Variants in PPP1R36 observed in about 807,000 individuals in gnomAD.
PPP1R36 encodes the protein chromosome 14 open reading frame 50.
PPP1R36 carries 47 observed loss-of-function variants against 53.4 expected under a neutral mutation model. The observed-to-expected ratio is 0.88, with a 90% confidence interval of 0.70 to 1.12. The LOEUF (loss-of-function observed/expected upper bound fraction) is 1.12. Among genes scored for constraint, PPP1R36 ranks in the 50% most tolerant of loss-of-function variants. The pLI, the probability that PPP1R36 is intolerant of heterozygous loss-of-function variation, is 0.00. For missense variants in PPP1R36, 456 were observed against 513.9 expected, an observed-to-expected ratio of 0.89 and a Z score of 1.09; for synonymous variants, 153 against 170.5, an observed-to-expected ratio of 0.90 and a Z score of 0.80.
chr14:64,550,201 G>A, intron 1 of PPP1R36, 135 bp downstream of exon 1: 1 of 1,427,094 alleles, frequency 7.0e-7, no homozygotes, highest in Non-Finnish European at 9.2e-7. Flanking sequence ...GGTTCTCAAA[G>A]ACACCTGGCC....
At position 64,572,070 on chromosome 14, in the gene PPP1R36, T is replaced by C. The variant is rs139969268; in HGVS notation, c.534-2385T>C. Reference sequence around the variant, plus strand: ...ATATCACCTTCTATTTTATATATTTTGGCAGTTTCTAATTTTTCTGATATA... The same window carrying C: ...ATATCACCTTCTATTTTATATATTTCGGCAGTTTCTAATTTTTCTGATATA... On this transcript the variant is annotated intron_variant, in intron 7 of 11. Transcript: ENST00000298705. Among the ~76,000 whole-genome samples, 226 of 152,338 alleles carry C rather than the reference T, an allele frequency of 1.5e-3. 1 individual carries two copies. The highest frequency in any genetic ancestry group is 5.1e-3 in the African/African-American group (212 of 41,574).
At chr14:64,562,106 A>G (rs1160615294) in intron 3 of PPP1R36, 1 of 222,524 alleles carries the variant, frequency 4.5e-6, no homozygotes, top group East Asian at 1.2e-4. Context: ...GTAGGAGGGT[A>G]TAGGCTAGCT....
chr14:64,578,406 G>T (rs1189904481), intron 8 of PPP1R36, among the ~76,000 whole-genome samples: 4 of 152,164 alleles, frequency 2.6e-5, no homozygotes, highest in Non-Finnish European at 5.9e-5. Flanking sequence ...AGTAAGTCTT[G>T]AAGAGAGTAG....
intron 7 of PPP1R36, among the ~76,000 whole-genome samples, chr14:64,569,720 T>C (rs914339525): frequency 6.6e-6 from 1 of 152,068 alleles, no homozygotes; most frequent in Non-Finnish European, 1.5e-5. Context: ...GCAAAAAGAT[T>C]TGTTTAATTT....
intron 3 of PPP1R36, among the ~76,000 whole-genome samples, chr14:64,561,375 A>T (rs1424160623): frequency 6.6e-6 from 1 of 152,184 alleles, no homozygotes; most frequent in Non-Finnish European, 1.5e-5. Context: ...ACTTTTGCAG[A>T]TTGTACCCTG....
chr14:64,570,911 G>A (rs927217105), intron 7 of PPP1R36, among the ~76,000 whole-genome samples: 2 of 152,156 alleles, frequency 1.3e-5, no homozygotes, highest in African/African-American at 4.8e-5. Context: ...GTTTGTTGGG[G>A]ATTACGTACC....
chr14:64,566,232 C>T (rs980339272), intron 6 of PPP1R36, among the ~76,000 whole-genome samples: 4 of 151,974 alleles, frequency 2.6e-5, no homozygotes, highest in African/African-American at 4.8e-5. Context: ...TGTGCCAATG[C>T]GCTCCAGCCT....
chr14:64,567,348 T>C (rs1339112355), intron 6 of PPP1R36, among the ~76,000 whole-genome samples: 1 of 152,200 alleles, frequency 6.6e-6, no homozygotes, highest in Admixed American at 6.5e-5. Context: ...CAATTTCACT[T>C]CTGTCTATAA....
intron 11 of PPP1R36, chr14:64,588,539 G>A: frequency 2.6e-6 from 1 of 383,872 alleles, no homozygotes; most frequent in South Asian, 1.2e-4. Flanking sequence ...TTCTAGTTTG[G>A]AGGAGTGAGT....
chr14:64,564,632 T>C (rs958448856), intron 3 of PPP1R36, 119 bp from the exon 4 acceptor site: 8 of 639,418 alleles, frequency 1.3e-5, no homozygotes, highest in Non-Finnish European at 2.2e-5. Flanking sequence ...AATTGAACAC[T>C]GCTGTGTCTC....
chr14:64,571,208 C>T (rs1317493231), intron 7 of PPP1R36, among the ~76,000 whole-genome samples: 1 of 152,166 alleles, frequency 6.6e-6, no homozygotes, highest in Admixed American at 6.5e-5. Context: ...TCACTGTAAC[C>T]TCTGCCTCCC....
At chr14:64,551,042 A>G (rs76585972) in intron 2 of PPP1R36, 57 bp downstream of exon 2, 73,860 of 1,105,030 alleles carry the variant, frequency 0.067, 2,921 homozygotes, top group Non-Finnish European at 0.079. Context: ...TGCCTGGGGG[A>G]AAAAAAAGCA....
chr14:64,579,178 T>C (rs910531872), intron 8 of PPP1R36, among the ~76,000 whole-genome samples: 1 of 152,174 alleles, frequency 6.6e-6, no homozygotes, highest in African/African-American at 2.4e-5. Context: ...GCTTAATACC[T>C]GAGCGATGTG....
chr14:64,575,854 G>A (rs1186244408), intron 8 of PPP1R36, among the ~76,000 whole-genome samples: 1 of 151,930 alleles, frequency 6.6e-6, no homozygotes, highest in Non-Finnish European at 1.5e-5. Context: ...GTTTCACCAT[G>A]TTAGCCAGGA....
At chr14:64,574,164 C>G (rs965124776) in intron 7 of PPP1R36, among the ~76,000 whole-genome samples, 4 of 151,980 alleles carry the variant, frequency 2.6e-5, no homozygotes, top group Non-Finnish European at 5.9e-5. Context: ...CACTTGAGTC[C>G]AGGAGTTCAA....
chr14:64,561,365 AC>A (rs1282797030), intron 3 of PPP1R36, among the ~76,000 whole-genome samples: 1 of 152,200 alleles, frequency 6.6e-6, no homozygotes, highest in African/African-American at 2.4e-5. Context: ...CTCTTGCCTT[AC>A]TTTTGCAGAT....
rs140807549 is a variant in PPP1R36, at chr14:64,564,853, A to T, written c.269+16A>T. ...CTTCAGACAGGTAGATTAACTTCCC[A>T]ATCATGCCAGAGTTGCTGATAGCAT... On this transcript the variant is annotated intron_variant, in intron 4 of 11. Transcript: ENST00000298705. The T allele has an allele frequency of 2.7e-4, 426 of 1,567,938 alleles. 6 individuals are homozygous for T. In the East Asian group the frequency reaches 9.5e-3, roughly 35 times the overall value.
At chr14:64,560,070 C>T (rs1170358760) in intron 3 of PPP1R36, among the ~76,000 whole-genome samples, 1 of 133,926 alleles carries the variant, frequency 7.5e-6, no homozygotes, top group Non-Finnish European at 1.5e-5. Flanking sequence ...CGCCATTGTA[C>T]TCCAGCCTGG....
Position 64,587,180 on chromosome 14 carries a change from A to G in PPP1R36, c.712-14A>G. ...CAGCTAAGGATCGTGATTCTTGTCTATTTTTTGTTGTAGTCCTTTTATACT... is the reference window on the plus strand; with the variant it reads ...CAGCTAAGGATCGTGATTCTTGTCTGTTTTTTGTTGTAGTCCTTTTATACT... On this transcript the variant is annotated splice_polypyrimidine_tract_variant and intron_variant, in intron 9 of 11. Transcript: ENST00000298705. The G allele has an allele frequency of 1.3e-6, 2 of 1,581,982 alleles. No homozygotes were observed. The highest frequency in any genetic ancestry group is 1.1e-5 in the South Asian group (1 of 87,940).
Sources: allele counts gnomAD v4.1 joint callset (sites outside exome capture counted in the v4.1 genomes callset), GRCh38; gene constraint gnomAD v4.1.1; transcripts MANE v1.5; gene names NCBI Gene and HGNC (gene_info 2026-07-23, HGNC 2026-07-21).